CREB5: variants seen among roughly 807,000 people sequenced by gnomAD.
The protein encoded by CREB5 is cyclic AMP-responsive element-binding protein 5.
Under a neutral mutation model 57.1 loss-of-function variants are expected in CREB5, and 19 were observed. That is an observed-to-expected ratio of 0.33 (90% CI 0.23 to 0.49). CREB5 has a LOEUF of 0.49. Ranked by LOEUF, CREB5 falls within the 20% of genes least tolerant of loss-of-function variation. The pLI is 0.99. For missense variants in CREB5, 579 were observed against 671.6 expected (o/e 0.86, Z 1.52); for synonymous variants, 238 against 238.3 (o/e 1.00, Z 0.01).
At chr7:28,738,290 T>G (rs979063658) in intron 7 of CREB5, among the ~76,000 whole-genome samples, 1 of 152,104 alleles carries the variant, frequency 6.6e-6, no homozygotes, top group Non-Finnish European at 1.5e-5. Context: ...CTAGGATCAT[T>G]TTTGGTTTGC....
At chr7:28,516,398 T>G (rs1418164304) in intron 4 of CREB5, among the ~76,000 whole-genome samples, 1 of 152,202 alleles carries the variant, frequency 6.6e-6, no homozygotes, top group Non-Finnish European at 1.5e-5. Flanking sequence ...TGTATTTTAC[T>G]ACAGCAACAT....
intron 5 of CREB5, among the ~76,000 whole-genome samples, chr7:28,593,369 C>T (rs1177648499): frequency 4.6e-5 from 7 of 152,162 alleles, no homozygotes; most frequent in Non-Finnish European, 8.8e-5. Context: ...CTGCCTCAGC[C>T]TCCTGAGTAG....
chr7:28,560,845 C>CGTGCGTGTGCGT (rs1396686194), intron 4 of CREB5, among the ~76,000 whole-genome samples: 9 of 41,328 alleles, frequency 2.2e-4, no homozygotes, highest in Non-Finnish European at 3.4e-4. Flanking sequence ...TGTGTGTGTG[C>CGTGCGTGTGCGT]GCGTGTGTGT....
chr7:28,358,495 G>T (rs17150584), intron 1 of CREB5, among the ~76,000 whole-genome samples: 1 of 152,188 alleles, frequency 6.6e-6, no homozygotes, highest in African/African-American at 2.4e-5. Flanking sequence ...TAGCAGATGG[G>T]ACAGGCCGGG....
intron 5 of CREB5, among the ~76,000 whole-genome samples, chr7:28,589,291 A>G (rs543184448): frequency 6.6e-6 from 1 of 152,212 alleles, no homozygotes; most frequent in East Asian, 1.9e-4. Flanking sequence ...GCAGTGGCTC[A>G]CGCATGTAAT....
chr7:28,434,589 A>T (rs577152208), intron 1 of CREB5, among the ~76,000 whole-genome samples: 3 of 152,222 alleles, frequency 2.0e-5, no homozygotes, highest in Non-Finnish European at 4.4e-5. Context: ...TTGTAACTCA[A>T]TAATTAAATA....
chr7:28,635,665 A>G (rs1322318618), intron 5 of CREB5, among the ~76,000 whole-genome samples: 1 of 152,176 alleles, frequency 6.6e-6, no homozygotes, highest in Admixed American at 6.5e-5. Context: ...TCTGCCTATC[A>G]CCATCATCTA....
chr7:28,409,967 C>T (rs1445053297), upstream of CREB5: 6 of 454,746 alleles, frequency 1.3e-5, no homozygotes, highest in Admixed American at 7.1e-5. The surrounding 1 kb of genome is among the most constrained non-coding windows in gnomAD (Gnocchi z 4.4). Context: ...CAGGAACCTC[C>T]CCCCGCGTCC....
In CREB5 at chr7:28,820,923, A is replaced by G. The variant is rs1809729750; in HGVS notation, c.*1644A>G. On this transcript the variant is annotated 3_prime_UTR_variant, in exon 11 of 11. Transcript: ENST00000357727. ...TACTTCACTCTTCTGAATTATTCTG[A>G]TTTATTTTCAACAACTTTTGTGAAC... The G allele has an allele frequency of 6.6e-6, 1 of 152,518 alleles. No individual in the cohort carries two copies. Among genetic ancestry groups the G allele is most frequent in the Non-Finnish European group, 1.5e-5 (1 of 68,034 alleles). 9.4% of individuals were successfully genotyped at this position (152,518 alleles called of 1,614,324 possible). A position where few individuals can be genotyped will look rare whatever the true frequency, so the allele number is the denominator to read the frequency against.
chr7:28,460,232 C>T (rs561553785), intron 1 of CREB5, among the ~76,000 whole-genome samples: 1 of 151,946 alleles, frequency 6.6e-6, no homozygotes, highest in Admixed American at 6.6e-5. Flanking sequence ...TAAAAGGTTG[C>T]AGGGGGAGCA....
chr7:28,370,310 C>T (rs1291835589), intron 1 of CREB5, among the ~76,000 whole-genome samples: 2 of 152,208 alleles, frequency 1.3e-5, no homozygotes, highest in African/African-American at 2.4e-5. Flanking sequence ...GGAAGAAATA[C>T]TCAACATCTC....
chr7:28,775,077 T>G (rs1401299036), intron 7 of CREB5, among the ~76,000 whole-genome samples: 3 of 152,200 alleles, frequency 2.0e-5, no homozygotes, highest in Non-Finnish European at 4.4e-5. Flanking sequence ...TCATGAAAAT[T>G]TCCGTGTCCT....
intron 1 of CREB5, among the ~76,000 whole-genome samples, chr7:28,301,833 T>C (rs943990873): frequency 6.6e-6 from 1 of 152,176 alleles, no homozygotes; most frequent in African/African-American, 2.4e-5. Context: ...GGGTTACTAA[T>C]GTGACAGAAA....
intron 5 of CREB5, among the ~76,000 whole-genome samples, chr7:28,642,336 C>A (rs796310230): frequency 2.0e-5 from 3 of 152,228 alleles, no homozygotes; most frequent in African/African-American, 7.2e-5. Context: ...TGGATAGCAA[C>A]CAAATAAGCT....
chr7:28,608,117 ACACACT>A (rs745308085), intron 5 of CREB5, among the ~76,000 whole-genome samples: 3,030 of 109,154 alleles, frequency 0.028, 38 homozygotes, highest in Middle Eastern at 0.12. Context: ...TCTCTCTCAC[ACACACT>A]CACACACACA....
At chr7:28,544,014 G>A (rs1475757316) in intron 4 of CREB5, among the ~76,000 whole-genome samples, 1 of 151,258 alleles carries the variant, frequency 6.6e-6, no homozygotes, top group African/African-American at 2.4e-5. Flanking sequence ...TGAGTTTTAT[G>A]AGTATTCTGA....
chr7:28,598,959 T>C (rs1213643875), intron 5 of CREB5, among the ~76,000 whole-genome samples: 3 of 152,222 alleles, frequency 2.0e-5, no homozygotes, highest in Admixed American at 1.3e-4. Flanking sequence ...TGAAACTCAT[T>C]GCTTTCCCAA....
At chr7:28,306,807 C>T (rs928446180) in intron 1 of CREB5, among the ~76,000 whole-genome samples, 5 of 151,916 alleles carry the variant, frequency 3.3e-5, no homozygotes, top group Non-Finnish European at 7.4e-5. Flanking sequence ...GTGATCCGCC[C>T]GCCTCGGCCT....
chr7:28,410,660 A>G (rs1213785317), upstream of CREB5: 3 of 420,610 alleles, frequency 7.1e-6, no homozygotes, highest in East Asian at 2.2e-4. Flanking sequence ...CTACTTGTAT[A>G]TTTCGTTGTC....
Sources: allele counts gnomAD v4.1 joint callset (sites outside exome capture counted in the v4.1 genomes callset), GRCh38; gene constraint gnomAD v4.1.1; non-coding constraint Gnocchi (gnomAD v3.1); transcripts MANE v1.5; gene names NCBI Gene and HGNC (gene_info 2026-07-23, HGNC 2026-07-21).